RNF212: variants seen among roughly 807,000 people sequenced by gnomAD.
RNF212 encodes ring finger protein 212, also known as probable E3 SUMO-protein ligase RNF212.
RNF212 carries 33 observed loss-of-function variants against 34.7 expected under a neutral mutation model. The ratio of observed to expected loss-of-function variants is 0.95; its 90% CI spans 0.72 to 1.27. RNF212 has a LOEUF of 1.27. RNF212 is among the 50% of genes most tolerant of loss of function. The pLI, the probability that RNF212 is intolerant of heterozygous loss-of-function variation, is 0.00. For synonymous variants in RNF212, 140 were observed against 136.1 expected (o/e 1.03, Z -0.20); for missense variants, 377 against 362.2 (o/e 1.04, Z -0.33).
intron 3 of RNF212, among the ~76,000 whole-genome samples, chr4:1,063,584 C>T (rs1160470094): frequency 6.6e-6 from 1 of 151,812 alleles, no homozygotes; most frequent in Admixed American, 6.6e-5. Context: ...ACCTGTAATC[C>T]CAGCTCGTCA....
intron 3 of RNF212, chr4:1,093,721 T>G: frequency 6.5e-7 from 1 of 1,536,226 alleles, no homozygotes; most frequent in Non-Finnish European, 8.7e-7. Flanking sequence ...AACAGACATG[T>G]TTTATGAACT....
downstream of RNF212, among the ~76,000 whole-genome samples, chr4:1,070,675 T>G (rs1193904146): frequency 1.3e-5 from 2 of 152,176 alleles, no homozygotes; most frequent in Non-Finnish European, 2.9e-5. Flanking sequence ...GGTGGTTTTG[T>G]AGGACTGTGC....
At position 1,079,624 on chromosome 4, in the gene RNF212, G is replaced by A; in HGVS notation, c.510+19C>T. ...CACGTCTGGTATACAGAGGAACTCA[G>A]CAGGAGAGATGCACTTACTTTTCTA... On this transcript the variant is annotated intron_variant, in intron 8 of 9. Transcript: ENST00000433731. 6.4e-7 allele frequency: 1 copy of A among 1,567,200 alleles called. No individual in the cohort carries two copies. The highest frequency in any genetic ancestry group is 8.8e-7 in the Non-Finnish European group (1 of 1,137,192).
chr4:1,096,928 T>G, intron 2 of RNF212, 89 bp from the exon 3 acceptor site: 1 of 967,900 alleles, frequency 1.0e-6, no homozygotes, highest in East Asian at 2.4e-5. Context: ...GACCTAGAAT[T>G]AGCTATAGAT....
chr4:1,090,817 GT>G lies in RNF212; in HGVS notation c.267del (p.Lys89AsnfsTer7). 1 of 1,593,008 alleles carries G rather than the reference GT, an allele frequency of 6.3e-7. No individual in the cohort carries two copies. Among genetic ancestry groups the G allele is most frequent in the South Asian group, 1.1e-5 (1 of 90,352 alleles). Reference protein sequence around the residue: ...ETSQILEFQEKHRKRLLAFYR... With the variant: ...ETSQILEFQEXHRKRLLAFYR... ...TAGAAGGCTAACAATCTCTTCCTGT[GT>G]TTTTCTTGAAATTCTAAAATCTGAA... On this transcript the variant is annotated frameshift_variant, in exon 4 of 10. Coordinates refer to ENST00000433731, the MANE Select transcript of RNF212 (RefSeq NM_001131034.4). LOFTEE classifies it high-confidence loss of function.
intron 3 of RNF212, chr4:1,094,080 G>C (rs1722659114): frequency 7.2e-7 from 1 of 1,392,200 alleles, no homozygotes; most frequent in Non-Finnish European, 9.4e-7. Flanking sequence ...TTGGGGACCT[G>C]GCTGACCACA....
At chr4:1,091,081 C>A (rs999670487) in intron 3 of RNF212, among the ~76,000 whole-genome samples, 1 of 152,220 alleles carries the variant, frequency 6.6e-6, no homozygotes, top group African/African-American at 2.4e-5. Flanking sequence ...ATTCAAGTTG[C>A]GAGTGGTGCT....
At chr4:1,075,442 C>A (rs1026640662) in intron 8 of RNF212, among the ~76,000 whole-genome samples, 2 of 152,232 alleles carry the variant, frequency 1.3e-5, no homozygotes, top group Non-Finnish European at 2.9e-5. Context: ...GGAGCAGGCG[C>A]GTTGCAGGGC....
chr4:1,081,733 T>C (rs1054899382), intron 5 of RNF212, 114 bp from the exon 6 acceptor site: 7 of 749,518 alleles, frequency 9.3e-6, no homozygotes, highest in African/African-American at 1.7e-5. Context: ...CTTACTGGGT[T>C]TGCAAACGGC....
At chr4:1,090,875 C>T in intron 3 of RNF212, 37 bp from the exon 4 acceptor site, 1 of 1,368,322 alleles carries the variant, frequency 7.3e-7, no homozygotes, top group Non-Finnish European at 1.0e-6. Flanking sequence ...TGACACAGAT[C>T]CACGGTCTCT....
chr4:1,091,074 C>G (rs979979056), intron 3 of RNF212, among the ~76,000 whole-genome samples: 1 of 152,244 alleles, frequency 6.6e-6, no homozygotes, highest in Non-Finnish European at 1.5e-5. Context: ...CTGCTCCATT[C>G]AAGTTGCGAG....
chr4:1,103,387 G>A (rs1256517667), intron 2 of RNF212, among the ~76,000 whole-genome samples: 1 of 152,082 alleles, frequency 6.6e-6, no homozygotes, highest in African/African-American at 2.4e-5. Flanking sequence ...TTTACAACTT[G>A]TTTTATGAAA....
intron 3 of RNF212, among the ~76,000 whole-genome samples, chr4:1,095,774 G>A (rs541026733): frequency 1.5e-5 from 1 of 68,692 alleles, no homozygotes; most frequent in East Asian, 3.6e-4. Flanking sequence ...TCTCAGCATA[G>A]CGCACCTGGC....
At position 1,071,802 on chromosome 4, in the gene RNF212, C is replaced by T. The variant is rs1718523492; in HGVS notation, c.*1072G>A. The T allele has an allele frequency of 6.6e-6, 1 of 152,260 alleles. No homozygotes were observed. The allele number at this position is 152,260 out of a possible 1,614,324, so 9.4% of individuals were successfully genotyped here. A position where few individuals can be genotyped will look rare whatever the true frequency, so the allele number is the denominator to read the frequency against. ...GTGAGGACGTGGAGCAACAGGAACT[C>T]TCATTCGTTGCTAGTGGGAATGCGA... On this transcript the variant is annotated 3_prime_UTR_variant, in exon 10 of 10. Transcript: ENST00000433731.
chr4:1,087,807 A>G (rs1247096753), intron 4 of RNF212, among the ~76,000 whole-genome samples: 1 of 151,868 alleles, frequency 6.6e-6, no homozygotes, highest in South Asian at 2.1e-4. Flanking sequence ...TGATGGTTTA[A>G]AAGTGTTTGG....
intron 9 of RNF212, 22 bp from the exon 10 acceptor site, chr4:1,073,215 A>AT (rs756323025): frequency 1.3e-5 from 21 of 1,610,864 alleles, no homozygotes; most frequent in African/African-American, 4.0e-5. Flanking sequence ...TGCAGGAGAC[A>AT]GCGTGTGGGG....
rs1022740458 is a variant in RNF212, at chr4:1,072,928, G to A, written c.840C>T (p.Pro280=). The change falls in exon 10 of 10, where the codon CCC becomes CCT. Residue 280 remains proline (P), a synonymous_variant. Transcript: ENST00000433731. ...AAAGAGGAAACACAACAGACACAGC[G>A]GGTGTTCTGAACGTGTCCAGGGTGC... ...AEGTLDTFRT[P]AVSVVFPLCQ... is the part of the protein sequence containing the mutation. The A allele has an allele frequency of 3.1e-6, 5 of 1,613,750 alleles. No homozygotes were observed. The highest frequency in any genetic ancestry group is 1.3e-5 in the African/African-American group (1 of 75,018).
chr4:1,072,765 T>C lies in RNF212; in HGVS notation c.*109A>G. On this transcript the variant is annotated 3_prime_UTR_variant, in exon 10 of 10. Transcript: ENST00000433731. ...GGTAAAAGGTTAATATCCTGCACAC[T>C]GAGGGCTTCCACATAAATGACAAAG... is the stretch of plus-strand genomic sequence containing the variant. 6.9e-7 allele frequency: 1 copy of C among 1,456,618 alleles called. No homozygotes were observed. The highest frequency in any genetic ancestry group is 1.9e-4 in the Middle Eastern group (1 of 5,338). The allele number at this position is 1,456,618 out of a possible 1,614,324, so 90.2% of individuals were successfully genotyped here.
At chr4:1,062,582 G>C (rs371440842) in intron 3 of RNF212, among the ~76,000 whole-genome samples, 48 of 152,232 alleles carry the variant, frequency 3.2e-4, no homozygotes, top group African/African-American at 1.1e-3. Flanking sequence ...CTAAGATCAG[G>C]AACAGAACAA....
Sources: allele counts gnomAD v4.1 joint callset (sites outside exome capture counted in the v4.1 genomes callset), GRCh38; gene constraint gnomAD v4.1.1; transcripts MANE v1.5; gene names NCBI Gene and HGNC (gene_info 2026-07-23, HGNC 2026-07-21).